PCDHGB4: variants seen among roughly 807,000 people sequenced by gnomAD.
PCDHGB4 encodes the protein protocadherin gamma-B4.
In PCDHGB4, 38 loss-of-function variants were observed where a neutral mutation model predicts 60.5. That is an observed-to-expected ratio of 0.63 (90% CI 0.48 to 0.82). PCDHGB4 has a LOEUF of 0.82. Among genes scored for constraint, PCDHGB4 ranks in the 40% least tolerant of loss-of-function variants. PCDHGB4 has a pLI of 0.00. For synonymous variants in PCDHGB4, 456 were observed against 509.7 expected (o/e 0.89, Z 1.42); for missense variants, 1,109 against 1,209.6 (o/e 0.92, Z 1.23).
intron 2 of PCDHGB4, among the ~76,000 whole-genome samples, chr5:141,505,117 G>A (rs575627148): frequency 1.8e-4 from 27 of 152,226 alleles, no homozygotes; most frequent in African/African-American, 3.6e-4. Context: ...AGCCAAGATC[G>A]CGCCACTGCA....
At chr5:141,449,261 G>A (rs148515123) in intron 1 of PCDHGB4, among the ~76,000 whole-genome samples, 101 of 152,156 alleles carry the variant, frequency 6.6e-4, no homozygotes, top group Non-Finnish European at 1.3e-3. Flanking sequence ...ATTGTACAAA[G>A]AACTGTATCT....
At position 141,428,093 on chromosome 5, in the gene PCDHGB4, C is replaced by T. The variant is rs577985465; in HGVS notation, c.2397+37812C>T. On this transcript the variant is annotated intron_variant, in intron 1 of 3. Transcript: ENST00000519479. ...ATTCGGGACACAACGCTTGGCTGTC[C>T]TACCACGTGCTGCAGGCCATCGAGC... 2.4e-4 allele frequency: 380 copies of T among 1,608,880 alleles called. 2 individuals are homozygous for T. The South Asian group carries it at 4.0e-3, about 17-fold the overall frequency.
rs149653507 is a variant in PCDHGB4 at position 141,469,869 on chromosome 5, G to A, written c.2398-24938G>A. Among the ~76,000 whole-genome samples, 591 of 152,290 alleles carry A rather than the reference G, an allele frequency of 3.9e-3. 6 individuals are homozygous for A. Among genetic ancestry groups the A allele is most frequent in the Admixed American group, 0.011 (171 of 15,304 alleles). On this transcript the variant is annotated intron_variant, in intron 1 of 3. Transcript: ENST00000519479. ...ATTCAGACCGGGTGCAATGGCTCACGCCTGTAATCTCGGCACTTTGGGAAG... is the reference window on the plus strand; with the variant it reads ...ATTCAGACCGGGTGCAATGGCTCACACCTGTAATCTCGGCACTTTGGGAAG...
At position 141,388,353 on chromosome 5, in the gene PCDHGB4, G is replaced by A. The variant is rs1441506976; in HGVS notation, c.469G>A (p.Ala157Thr). 6.2e-7 allele frequency: 1 copy of A among 1,613,858 alleles called. No individual in the cohort carries two copies. The highest frequency in any genetic ancestry group is 8.5e-7 in the Non-Finnish European group (1 of 1,179,900). The change falls in exon 1 of 4, where the codon GCC (alanine) becomes ACC (threonine). Residue 157 changes from alanine (A) to threonine (T), a missense_variant. Transcript: ENST00000519479. ...TGGCACACGATTTATATTAGGATCT[G>A]CCCATGATGCGGATATTGGTAGCAA... is the stretch of plus-strand genomic sequence containing the variant. The part of the protein sequence containing the change: ...QPGTRFILGS[A>T]HDADIGSNTL...
Position 141,504,677 on chromosome 5 carries a change from T to C in PCDHGB4, c.2457-716T>C, listed in dbSNP as rs552242248. 4.7e-5 allele frequency among the ~76,000 whole-genome samples: 7 copies of C among 147,580 alleles called. No homozygotes were observed. In the East Asian group the frequency reaches 1.5e-3, roughly 31 times the overall value. ...TTTGAGGGCGGGGGGTGGGGGTTCT[T>C]GTAAAATAGGAGGGGCAGGTTCTTC... On this transcript the variant is annotated intron_variant, in intron 2 of 3. Transcript: ENST00000519479.
chr5:141,420,960 T>C, intron 1 of PCDHGB4: 1 of 425,378 alleles, frequency 2.4e-6, no homozygotes, highest in East Asian at 3.9e-5. Context: ...TCTTAGTCGT[T>C]GCAATAATAA....
In PCDHGB4 at chr5:141,407,217, G is replaced by C. The variant is rs181833770; in HGVS notation, c.2397+16936G>C. 5.8e-3 allele frequency among the ~76,000 whole-genome samples: 885 copies of C among 151,964 alleles called. 4 individuals carry two copies. Among genetic ancestry groups the C allele is most frequent in the Non-Finnish European group, 9.1e-3 (620 of 67,966 alleles). ...TCAAACACGTTTTCCCCCTTAAGTG[G>C]GTAGCAAAAAAAATAAAGCATACTT... On this transcript the variant is annotated intron_variant, in intron 1 of 3. Transcript: ENST00000519479.
intron 1 of PCDHGB4, among the ~76,000 whole-genome samples, chr5:141,458,298 A>G (rs2098942125): frequency 6.6e-6 from 1 of 152,178 alleles, no homozygotes; most frequent in African/African-American, 2.4e-5. Context: ...ATGCTGGTTT[A>G]GATAAAATGA....
intron 3 of PCDHGB4, among the ~76,000 whole-genome samples, chr5:141,508,954 C>A (rs2154594435): frequency 6.6e-6 from 1 of 152,170 alleles, no homozygotes; most frequent in Admixed American, 6.5e-5. Context: ...AGAGAAATGT[C>A]AGCGGAATGA....
rs2097403311 is a variant in PCDHGB4 at position 141,431,640 on chromosome 5, T to C, written c.2397+41359T>C. 6.2e-7 allele frequency: 1 copy of C among 1,614,094 alleles called. No individual in the cohort carries two copies. The highest frequency in any genetic ancestry group is 8.5e-7 in the Non-Finnish European group (1 of 1,180,040). On this transcript the variant is annotated intron_variant, in intron 1 of 3. Coordinates refer to ENST00000519479, the MANE Select transcript of PCDHGB4 (RefSeq NM_003736.4). This position sits in a 1 kb window ranked among gnomAD's most constrained non-coding sequence, Gnocchi z 4.8. ...GACAAGGCGGCCCAAGTTTTCAAACTAGATTGTAATTCAGGGACAATATCA... is the reference window on the plus strand; with the variant it reads ...GACAAGGCGGCCCAAGTTTTCAAACCAGATTGTAATTCAGGGACAATATCA...
intron 1 of PCDHGB4, chr5:141,414,424 G>C (rs762669763): frequency 1.2e-6 from 2 of 1,613,846 alleles, no homozygotes; most frequent in Non-Finnish European, 1.7e-6. Context: ...CCTTGACAGG[G>C]AACAGGTATC....
chr5:141,414,060 G>C (rs769101242), intron 1 of PCDHGB4: 1 of 1,609,304 alleles, frequency 6.2e-7, no homozygotes, highest in South Asian at 1.1e-5. Flanking sequence ...AATTGTTGAA[G>C]TTCCAACTAA....
At chr5:141,393,515 T>C in intron 1 of PCDHGB4, 2 of 1,613,990 alleles carry the variant, frequency 1.2e-6, no homozygotes, top group Non-Finnish European at 1.7e-6. Context: ...CAGTGTTGGA[T>C]ACAAATGACA....
At chr5:141,426,825 A>G (rs747894160) in intron 1 of PCDHGB4, 26 of 456,582 alleles carry the variant, frequency 5.7e-5, no homozygotes, top group Non-Finnish European at 9.3e-5. Context: ...CTCTCTGATG[A>G]TGGACAAGAC....
Position 141,485,400 on chromosome 5 carries a change from G to A in PCDHGB4, c.2398-9407G>A. On this transcript the variant is annotated intron_variant, in intron 1 of 3. Transcript: ENST00000519479. The surrounding 1 kb of genome is among the most constrained non-coding windows in gnomAD (Gnocchi z 5.7). ...GGAGAGGTGAACCAAAGACACTTCC[G>A]TGTGGATTTGGACAGCGGAGCCCTG... is the stretch of plus-strand genomic sequence containing the variant. The A allele has an allele frequency of 6.2e-7, 1 of 1,614,076 alleles. No homozygotes were observed. The highest frequency in any genetic ancestry group is 8.5e-7 in the Non-Finnish European group (1 of 1,179,948).
At chr5:141,394,754 G>A (rs753264235) in intron 1 of PCDHGB4, 3 of 1,613,428 alleles carry the variant, frequency 1.9e-6, no homozygotes, top group African/African-American at 2.7e-5. Flanking sequence ...TGGCCGTCCA[G>A]GACCATGGCC....
intron 1 of PCDHGB4, chr5:141,420,339 T>C: frequency 7.2e-7 from 1 of 1,395,458 alleles, no homozygotes; most frequent in Non-Finnish European, 9.6e-7. Context: ...TCCAATATAG[T>C]GGTATTATTT....
Position 141,491,795 on chromosome 5 carries a change from C to T in PCDHGB4, c.2398-3012C>T. On this transcript the variant is annotated intron_variant, in intron 1 of 3. Coordinates refer to ENST00000519479, the MANE Select transcript of PCDHGB4 (RefSeq NM_003736.4). This position sits in a 1 kb window ranked among gnomAD's most constrained non-coding sequence, Gnocchi z 6.9. ...GGATTGAACTTGCATCCACTCCTCT[C>T]CGGCCGGCTTGGTCGCTGGCTGCGC... 6 of 1,511,694 alleles carry T rather than the reference C, an allele frequency of 4.0e-6. No individual in the cohort carries two copies. Among genetic ancestry groups the T allele is most frequent in the Non-Finnish European group, 5.3e-6 (6 of 1,130,430 alleles). 93.6% of individuals were successfully genotyped at this position (1,511,694 alleles called of 1,614,324 possible).
At chr5:141,421,979 G>A in intron 1 of PCDHGB4, 1 of 1,609,702 alleles carries the variant, frequency 6.2e-7, no homozygotes, top group Non-Finnish European at 8.5e-7. Context: ...TATCGCGTGA[G>A]TGTTCCAGAA....
Sources: gnomAD v4.1 joint callset for allele counts (sites outside exome capture counted in the v4.1 genomes callset) on GRCh38, gnomAD v4.1.1 for gene constraint, Gnocchi (gnomAD v3.1) non-coding constraint, MANE v1.5 for transcripts, NCBI Gene and HGNC (gene_info 2026-07-23, HGNC 2026-07-21) for gene names.